NAXE: variants seen among roughly 807,000 people sequenced by gnomAD.
The protein encoded by NAXE is NAD(P)H-hydrate epimerase.
NAXE carries 25 observed loss-of-function variants against 31.2 expected under a neutral mutation model. The observed-to-expected ratio is 0.80, with a 90% CI of 0.58 to 1.12. The LOEUF is 1.12. Ranked by LOEUF, NAXE falls within the 50% of genes most tolerant of loss-of-function variation. The pLI, the probability that NAXE is intolerant of heterozygous loss-of-function variation, is 0.00. For synonymous variants in NAXE, 144 were observed against 154.5 expected (o/e 0.93, Z 0.50); for missense variants, 362 against 376.1 (o/e 0.96, Z 0.31).
In NAXE at chr1:156,591,802, T is replaced by C. The variant is rs1365597160; in HGVS notation, c.-3T>C. 5.1e-6 allele frequency: 8 copies of C among 1,576,174 alleles called. No individual in the cohort carries two copies. The highest frequency in any genetic ancestry group is 6.0e-6 in the Non-Finnish European group (7 of 1,168,722). On this transcript the variant is annotated 5_prime_UTR_variant, in exon 1 of 6. Transcript: ENST00000368235. Reference sequence around the variant, plus strand: ...GGCCGGGGGCGCGCGCTCTGCGAGCTGGATGTCCAGGCTGCGGGCGCTGCT... The same window carrying C: ...GGCCGGGGGCGCGCGCTCTGCGAGCCGGATGTCCAGGCTGCGGGCGCTGCT...
At chr1:156,593,705 C>G in intron 5 of NAXE, 150 bp downstream of exon 5, 1 of 1,354,186 alleles carries the variant, frequency 7.4e-7, no homozygotes. Context: ...TTCAGAAGTC[C>G]CCTTTACATG....
In NAXE at chr1:156,592,439, A is replaced by C. The variant is rs11550014; in HGVS notation, c.366A>C (p.Gly122=). Residue 122 remains glycine (G), a synonymous_variant, in exon 3 of 6, where the codon GGA becomes GGC. Coordinates refer to ENST00000368235, the MANE Select transcript of NAXE (RefSeq NM_144772.3). ...LVICGPGNNG[G]DGLVCARHLK... is the part of the protein sequence containing the mutation. The stretch of plus-strand genomic sequence containing the variant: ...TCTGTGGCCCGGGGAATAATGGAGG[A>C]GATGGTCTGGTCTGTGCTCGACACC... 6.2e-7 allele frequency: 1 copy of C among 1,613,928 alleles called. No individual in the cohort carries two copies. Among genetic ancestry groups the C allele is most frequent in the South Asian group, 1.1e-5 (1 of 91,066 alleles).
rs1034363060 is a variant in NAXE, at chr1:156,591,785, G to A, written c.-20G>A. ...GCGCCGGGGCCGGGCCGGGCCGGGG[G>A]CGCGCGCTCTGCGAGCTGGATGTCC... On this transcript the variant is annotated 5_prime_UTR_variant, in exon 1 of 6. Coordinates refer to ENST00000368235, the MANE Select transcript of NAXE (RefSeq NM_144772.3). 4 of 1,322,550 alleles carry A rather than the reference G, an allele frequency of 3.0e-6. No homozygotes were observed. Among genetic ancestry groups the A allele is most frequent in the Non-Finnish European group, 3.9e-6 (4 of 1,018,898 alleles). 81.9% of individuals were successfully genotyped at this position (1,322,550 alleles called of 1,614,324 possible). A position where few individuals can be genotyped will look rare whatever the true frequency, so the allele number is the denominator to read the frequency against.
chr1:156,591,797 C>T lies in NAXE; in HGVS notation c.-8C>T, dbSNP rs1403248761. On this transcript the variant is annotated 5_prime_UTR_variant, in exon 1 of 6. Transcript: ENST00000368235. ...GGCCGGGCCGGGGGCGCGCGCTCTGCGAGCTGGATGTCCAGGCTGCGGGCG... is the reference window on the plus strand; with the variant it reads ...GGCCGGGCCGGGGGCGCGCGCTCTGTGAGCTGGATGTCCAGGCTGCGGGCG... 10 of 1,543,364 alleles carry T rather than the reference C, an allele frequency of 6.5e-6. No homozygotes were observed. The highest frequency in any genetic ancestry group is 5.8e-5 in the South Asian group (5 of 86,938).
At chr1:156,592,249 A>G in intron 2 of NAXE, 40 bp downstream of exon 2, 2 of 1,610,712 alleles carry the variant, frequency 1.2e-6, no homozygotes, top group Non-Finnish European at 1.7e-6. Context: ...GCAGCCAGGG[A>G]GGAGTCACTG....
Position 156,591,944 on chromosome 1 carries a change from G to A in NAXE, c.140G>A (p.Trp47Ter). 2 of 1,612,994 alleles carry A rather than the reference G, an allele frequency of 1.2e-6. No individual in the cohort carries two copies. Among genetic ancestry groups the A allele is most frequent in the East Asian group, 2.2e-5 (1 of 44,852 alleles). Residue 47 changes from tryptophan to a stop codon, truncating the protein, a stop_gained, in exon 1 of 6, where the codon TGG becomes TAG. Transcript: ENST00000368235. LOFTEE classifies it high-confidence loss of function. ...GPQRLNSGGRWDSEVMASTVV... is the reference protein window; with the variant it reads ...GPQRLNSGGR ...CAGCGGCTGAACTCGGGTGGCCGCT[G>A]GGACTCAGAGGTCATGGCGAGCACG...
rs945190035 is a variant in NAXE at position 156,591,899 on chromosome 1, G to C, written c.95G>C (p.Gly32Ala). 5.0e-6 allele frequency: 8 copies of C among 1,612,614 alleles called. No individual in the cohort carries two copies. The highest frequency in any genetic ancestry group is 5.1e-6 in the Non-Finnish European group (6 of 1,179,746). The change falls in exon 1 of 6, where the codon GGA becomes GCA. Residue 32 changes from glycine to alanine, a missense_variant. Coordinates refer to ENST00000368235, the MANE Select transcript of NAXE (RefSeq NM_144772.3). ...IKSQTIACRS[G>A]PTWWGPQRLN... is the part of the protein sequence containing the mutation. ...AGCCAGACCATCGCCTGTCGCTCGG[G>C]ACCCACCTGGTGGGGACCGCAGCGG...
At chr1:156,593,385 A>G (rs773502288) in intron 4 of NAXE, 23 bp from the exon 5 acceptor site, 2 of 1,605,478 alleles carry the variant, frequency 1.2e-6, no homozygotes, top group Non-Finnish European at 1.7e-6. Context: ...TGGCTCTGAC[A>G]TCCTTTTCCT....
At chr1:156,592,698 T>A in intron 4 of NAXE, 28 bp downstream of exon 4, 1 of 1,559,584 alleles carries the variant, frequency 6.4e-7, no homozygotes, top group Middle Eastern at 1.7e-4. Context: ...AATACCTCCA[T>A]CCTACAGTAA....
At chr1:156,593,756 C>T in intron 5 of NAXE, 126 bp from the exon 6 acceptor site, 1 of 1,324,270 alleles carries the variant, frequency 7.6e-7, no homozygotes, top group Non-Finnish European at 1.1e-6. Flanking sequence ...GTACGTGGAG[C>T]TCGTTGGACG....
intron 4 of NAXE, 76 bp from the exon 5 acceptor site, chr1:156,593,332 G>A: frequency 6.5e-7 from 1 of 1,535,864 alleles, no homozygotes; most frequent in Non-Finnish European, 8.8e-7. Flanking sequence ...GTCTGCAGGT[G>A]CAGAGGACAG....
chr1:156,593,567 CAGA>C lies in NAXE; in HGVS notation c.664+15_664+17del, dbSNP rs1379057231. On this transcript the variant is annotated intron_variant, in intron 5 of 5. Coordinates refer to ENST00000368235, the MANE Select transcript of NAXE (RefSeq NM_144772.3). Reference sequence around the variant, plus strand: ...CGACATTCCCTCAGGTGCTGGGATCCAGAAGGTGGGGTGGGGGAGATTGGGGCC... The same window carrying C: ...CGACATTCCCTCAGGTGCTGGGATCCAGGTGGGGTGGGGGAGATTGGGGCC... 6.2e-7 allele frequency: 1 copy of C among 1,614,112 alleles called. No homozygotes were observed. The highest frequency in any genetic ancestry group is 1.7e-5 in the Admixed American group (1 of 60,004).
intron 5 of NAXE, 126 bp downstream of exon 5, chr1:156,593,681 G>T: frequency 6.9e-7 from 1 of 1,439,044 alleles, no homozygotes. Context: ...CCCCATCAGG[G>T]CTGGGGAACA....
At chr1:156,593,597 T>A in intron 5 of NAXE, 42 bp downstream of exon 5, 1 of 1,608,096 alleles carries the variant, frequency 6.2e-7, no homozygotes, top group Non-Finnish European at 8.5e-7. Flanking sequence ...ATTGGGGCCC[T>A]ACCCTCCTGA....
intron 4 of NAXE, chr1:156,593,195 G>C (rs548289826): frequency 9.1e-5 from 51 of 560,492 alleles, no homozygotes; most frequent in Admixed American, 1.5e-4. Context: ...GTGGTGGGCA[G>C]GCAGGCAGGC....
In NAXE at chr1:156,592,653, G is replaced by T. The variant is rs770542255; in HGVS notation, c.499G>T (p.Gly167Trp). The T allele has an allele frequency of 6.8e-6, 11 of 1,613,944 alleles. No homozygotes were observed. The highest frequency in any genetic ancestry group is 9.3e-6 in the Non-Finnish European group (11 of 1,179,868). The change falls in exon 4 of 6, where the codon GGG becomes TGG. Residue 167 changes from glycine (G) to tryptophan (W), a missense_variant. Physicochemically the swap from Gly to Trp is radical, Grantham distance 184. Transcript: ENST00000368235. ...TCAGAAAATGGACATCCCTTTCCTT[G>T]GGGAAATGCCCGCAGAGGTAGGTGG... Reference protein sequence around the residue: ...QCQKMDIPFLGEMPAEPMTID... With the variant: ...QCQKMDIPFLWEMPAEPMTID...
In NAXE at chr1:156,592,225, C is replaced by G; in HGVS notation, c.291+16C>G. On this transcript the variant is annotated intron_variant, in intron 2 of 5. Transcript: ENST00000368235. ...CATCGCCAAGGTCAGTGGCACAACT[C>G]TCGACCTTTGGGAGCAGCCAGGGAG... The G allele has an allele frequency of 6.2e-7, 1 of 1,613,406 alleles. No homozygotes were observed. The highest frequency in any genetic ancestry group is 8.5e-7 in the Non-Finnish European group (1 of 1,179,706).
intron 4 of NAXE, 63 bp from the exon 5 acceptor site, chr1:156,593,345 C>G: frequency 6.4e-7 from 1 of 1,569,082 alleles, no homozygotes; most frequent in Non-Finnish European, 8.7e-7. Flanking sequence ...GAGGACAGCC[C>G]TCTCCAGTTA....
In NAXE at chr1:156,591,923, G is replaced by C. The variant is rs1360898327; in HGVS notation, c.119G>C (p.Arg40Pro). 6.2e-7 allele frequency: 1 copy of C among 1,612,798 alleles called. No individual in the cohort carries two copies. Among genetic ancestry groups the C allele is most frequent in the Non-Finnish European group, 8.5e-7 (1 of 1,179,730 alleles). Residue 40 changes from arginine to proline, a missense_variant, in exon 1 of 6, where the codon CGG (arginine) becomes CCG (proline). Coordinates refer to ENST00000368235, the MANE Select transcript of NAXE (RefSeq NM_144772.3). ...RSGPTWWGPQ[R>P]LNSGGRWDSE... is the part of the protein sequence containing the mutation. ...GGACCCACCTGGTGGGGACCGCAGC[G>C]GCTGAACTCGGGTGGCCGCTGGGAC...
Sources: gnomAD v4.1 joint callset for allele counts on GRCh38, gnomAD v4.1.1 for gene constraint, MANE v1.5 for transcripts, NCBI Gene and HGNC (gene_info 2026-07-23, HGNC 2026-07-21) for gene names.